Variants in POTEC observed in about 807,000 individuals in gnomAD.
POTEC encodes the protein ANKRD26-like family B member 2.
POTEC carries 35 observed loss-of-function variants against 62.0 expected under a neutral mutation model. The ratio of observed to expected loss-of-function variants is 0.56; its 90% CI spans 0.43 to 0.75. The LOEUF (loss-of-function observed/expected upper bound fraction) is 0.75. Ranked by LOEUF, POTEC falls within the 30% of genes least tolerant of loss-of-function variation. The probability of loss-of-function intolerance (pLI) is 0.00; values close to 1 mark genes in which losing one functional copy is unlikely to be tolerated. For missense variants in POTEC, 472 were observed against 655.9 expected (o/e 0.72, Z 3.06); for synonymous variants, 156 against 221.5 (o/e 0.70, Z 2.62).
intron 6 of POTEC, among the ~76,000 whole-genome samples, chr18:14,528,605 G>A (rs1910499953): frequency 6.6e-6 from 1 of 151,944 alleles, no homozygotes. Flanking sequence ...AACCATGAAA[G>A]GAGACATGAA....
At chr18:14,514,904 A>T (rs1427247555) in intron 9 of POTEC, among the ~76,000 whole-genome samples, 1 of 152,190 alleles carries the variant, frequency 6.6e-6, no homozygotes, top group African/African-American at 2.4e-5. Context: ...ACCACTATAC[A>T]CCAACTACAA....
intron 10 of POTEC, among the ~76,000 whole-genome samples, chr18:14,512,837 T>A (rs565185356): frequency 1.3e-5 from 2 of 152,366 alleles, no homozygotes; most frequent in East Asian, 1.9e-4. Flanking sequence ...GGTCTTCTGA[T>A]GCTACTGCTA....
rs71362458 is a variant in POTEC at position 14,511,945 on chromosome 18, T to C, written c.1582A>G (p.Met528Val). Residue 528 changes from methionine to valine, a missense_variant, in exon 11 of 11, where the codon ATG becomes GTG. Met to Val is a conservative substitution (Grantham distance 21). This residue lies in a region of POTEC where 67 missense variants were observed against 58.3 expected (regional missense o/e 1.15). Coordinates refer to ENST00000358970, the MANE Select transcript of POTEC (RefSeq NM_001137671.2). ...AGCATGGCAATTTCTTCCTGCAACA[T>C]GCTGTTTTCACGCAAGAGATCTTCT... ...KEEDLLRENS[M>V]LQEEIAMLIS... 1.3e-5 allele frequency: 21 copies of C among 1,613,860 alleles called. No individual in the cohort carries two copies. In the South Asian group the frequency reaches 2.3e-4, roughly 18 times the overall value.
At chr18:14,518,419 A>G (rs1910221479) in intron 9 of POTEC, among the ~76,000 whole-genome samples, 1 of 152,100 alleles carries the variant, frequency 6.6e-6, no homozygotes, top group African/African-American at 2.4e-5. Flanking sequence ...TCTAATACAA[A>G]AAACCTTTTA....
intron 6 of POTEC, chr18:14,528,859 G>T: frequency 2.3e-6 from 1 of 438,430 alleles, no homozygotes; most frequent in East Asian, 7.0e-5. Context: ...CCAACCTCTG[G>T]TGTCTCACAC....
chr18:14,519,121 T>G (rs1910243889), intron 9 of POTEC, among the ~76,000 whole-genome samples: 1 of 151,982 alleles, frequency 6.6e-6, no homozygotes, highest in African/African-American at 2.4e-5. Flanking sequence ...CTGACAAGAT[T>G]TACTGAGAGA....
chr18:14,534,629 A>G, intron 4 of POTEC, among the ~76,000 whole-genome samples: 1 of 151,536 alleles, frequency 6.6e-6, no homozygotes, highest in Non-Finnish European at 1.5e-5. Flanking sequence ...CATAAAATTA[A>G]TATGAAATCC....
At chr18:14,536,575 A>G (rs533462659) in intron 3 of POTEC, among the ~76,000 whole-genome samples, 113 of 151,920 alleles carry the variant, frequency 7.4e-4, no homozygotes, top group African/African-American at 2.7e-3. Flanking sequence ...GCTTTATTAG[A>G]CTTACTCTAT....
At chr18:14,521,088 A>G (rs992222979) in intron 9 of POTEC, among the ~76,000 whole-genome samples, 6 of 152,202 alleles carry the variant, frequency 3.9e-5, no homozygotes, top group African/African-American at 1.4e-4. Context: ...ATATTTTAAT[A>G]AAAGTTTCAC....
intron 1 of POTEC, 27 bp downstream of exon 1, chr18:14,542,599 G>A (rs770511215): frequency 2.5e-6 from 4 of 1,611,694 alleles, no homozygotes; most frequent in Non-Finnish European, 3.4e-6. Context: ...CCCATGTCCC[G>A]CCTCCTCCCA....
Position 14,510,700 on chromosome 18 carries a change from T to G in POTEC, c.*1198A>C, listed in dbSNP as rs1055424089. The G allele has an allele frequency of 6.6e-6, 1 of 152,170 alleles. No homozygotes were observed. Among genetic ancestry groups the G allele is most frequent in the Non-Finnish European group, 1.5e-5 (1 of 68,030 alleles). The allele number at this position is 152,170 out of a possible 1,614,324, so 9.4% of individuals were successfully genotyped here. The stretch of plus-strand genomic sequence containing the variant: ...CCTGTAGGATGTGACTGGAAGCAAG[T>G]TGAGAAGTCTTGCCTAGTAAGGAGG... On this transcript the variant is annotated 3_prime_UTR_variant, in exon 11 of 11. Transcript: ENST00000358970.
chr18:14,512,280 A>G (rs1045742546), intron 10 of POTEC, among the ~76,000 whole-genome samples: 1 of 152,246 alleles, frequency 6.6e-6, no homozygotes, highest in African/African-American at 2.4e-5. Context: ...GGCATAAAAT[A>G]GAAGATTAAT....
In POTEC at chr18:14,508,166, G is replaced by T. The variant is rs568298554; in HGVS notation, c.*3732C>A. 9 of 152,278 alleles carry T rather than the reference G, an allele frequency of 5.9e-5. No homozygotes were observed. The highest frequency in any genetic ancestry group is 2.2e-4 in the African/African-American group (9 of 41,552). 9.4% of individuals were successfully genotyped at this position (152,278 alleles called of 1,614,324 possible). On this transcript the variant is annotated 3_prime_UTR_variant, in exon 11 of 11. Transcript: ENST00000358970. Reference sequence around the variant, plus strand: ...TGATATTCTGAAATGTGTTTTCCAAGTTGGTTCCATTCTCCTCATCTCTTT... The same window carrying T: ...TGATATTCTGAAATGTGTTTTCCAATTTGGTTCCATTCTCCTCATCTCTTT...
In POTEC at chr18:14,543,097, G is replaced by A. The variant is rs780880729; in HGVS notation, c.50C>T (p.Pro17Leu). 3.7e-6 allele frequency: 6 copies of A among 1,613,956 alleles called. No individual in the cohort carries two copies. The South Asian group carries it at 5.5e-5, about 15-fold the overall frequency. ...SMPAASAVKK[P>L]FDLRSKMGKW... ...GCCCATCTTGCTCCTGAGATCGAAT[G>A]GCTTCTTCACAGCAGAGGCAGCGGG... Residue 17 changes from proline (P) to leucine (L), a missense_variant, in exon 1 of 11, where the codon CCA becomes CTA. Pro to Leu is a moderately conservative substitution (Grantham distance 98). Transcript: ENST00000358970.
At chr18:14,541,304 T>C (rs1171273773) in intron 1 of POTEC, among the ~76,000 whole-genome samples, 4 of 152,214 alleles carry the variant, frequency 2.6e-5, no homozygotes, top group African/African-American at 4.8e-5. Context: ...CTGGTAGACA[T>C]GCAAAAAAGT....
At chr18:14,513,944 T>C (rs1441328853) in intron 9 of POTEC, among the ~76,000 whole-genome samples, 159 bp from the exon 10 acceptor site, 1 of 152,192 alleles carries the variant, frequency 6.6e-6, no homozygotes, top group African/African-American at 2.4e-5. Flanking sequence ...GCTCTCCCAG[T>C]CATGTTGGCA....
intron 5 of POTEC, among the ~76,000 whole-genome samples, chr18:14,531,135 C>T (rs552595175): frequency 6.6e-6 from 1 of 152,174 alleles, no homozygotes; most frequent in East Asian, 1.9e-4. Context: ...CCTAATTTTG[C>T]TTCTTAGTTG....
rs547311021 is a variant in POTEC at position 14,508,490 on chromosome 18, A to G, written c.*3408T>C. On this transcript the variant is annotated 3_prime_UTR_variant, in exon 11 of 11. Transcript: ENST00000358970. ...TCAGGTGCCCACACATACTACAATA[A>G]TATTCATAATGCAATCACACACAAT... 2 of 152,712 alleles carry G rather than the reference A, an allele frequency of 1.3e-5. No homozygotes were observed. Among genetic ancestry groups the G allele is most frequent in the African/African-American group, 4.8e-5 (2 of 41,544 alleles). The allele number at this position is 152,712 out of a possible 1,614,324, so 9.5% of individuals were successfully genotyped here.
chr18:14,514,584 T>C (rs555537777), intron 9 of POTEC, among the ~76,000 whole-genome samples: 5 of 152,226 alleles, frequency 3.3e-5, no homozygotes, highest in Non-Finnish European at 7.3e-5. Flanking sequence ...GTTTTTAACA[T>C]AGAACTTTGA....
Sources: gnomAD v4.1 joint callset for allele counts (sites outside exome capture counted in the v4.1 genomes callset) on GRCh38, gnomAD v4.1.1 for gene constraint, gnomAD v4.1.1 regional missense constraint, MANE v1.5 for transcripts, NCBI Gene and HGNC (gene_info 2026-07-23, HGNC 2026-07-21) for gene names.